CAMTA1: variants seen among roughly 807,000 people sequenced by gnomAD.
CAMTA1 encodes calmodulin binding transcription activator 1, also known as calmodulin-binding transcription activator 1.
A neutral mutation model predicts 170.9 loss-of-function variants in CAMTA1; 27 were observed. The observed-to-expected ratio is 0.16, with a 90% CI of 0.12 to 0.22. The LOEUF (loss-of-function observed/expected upper bound fraction) is 0.22. Among genes scored for constraint, CAMTA1 ranks in the 10% least tolerant of loss-of-function variants. CAMTA1 has a pLI of 1.00. For synonymous variants in CAMTA1, 833 were observed against 891.5 expected (o/e 0.93, Z 1.17); for missense variants, 1,619 against 2,217.2 (o/e 0.73, Z 5.42).
At chr1:7,699,294 C>G (rs372033246) in intron 11 of CAMTA1, among the ~76,000 whole-genome samples, 7 of 152,124 alleles carry the variant, frequency 4.6e-5, no homozygotes, top group Non-Finnish European at 7.3e-5. Flanking sequence ...TCAGCTCCCC[C>G]CCACCACCCT....
In CAMTA1 at chr1:7,633,226, G is replaced by C. The variant is rs750932968; in HGVS notation, c.511-7174G>C. Among the ~76,000 whole-genome samples the C allele has an allele frequency of 6.6e-6, 1 of 152,236 alleles. No individual in the cohort carries two copies. The highest frequency in any genetic ancestry group is 1.5e-5 in the Non-Finnish European group (1 of 68,036). ...AGATTGACTCTACCTCAGGCTCCCG[G>C]GAGATGCCCTTCCACCACCTTCAGC... On this transcript the variant is annotated intron_variant, in intron 6 of 22. Coordinates refer to ENST00000303635, the MANE Select transcript of CAMTA1 (RefSeq NM_015215.4). This position sits in a 1 kb window ranked among gnomAD's most constrained non-coding sequence, Gnocchi z 4.1.
chr1:7,453,194 T>G (rs548403281), intron 5 of CAMTA1, among the ~76,000 whole-genome samples: 1 of 152,340 alleles, frequency 6.6e-6, no homozygotes, highest in East Asian at 1.9e-4. Context: ...TGTGGAATCG[T>G]GTCCAGCGGC....
chr1:7,036,128 G>A (rs767451060), intron 3 of CAMTA1, among the ~76,000 whole-genome samples: 3 of 152,198 alleles, frequency 2.0e-5, no homozygotes, highest in Non-Finnish European at 2.9e-5. Context: ...CAGGTACAGA[G>A]TAGCTGCAGT....
At position 6,971,236 on chromosome 1, in the gene CAMTA1, A is replaced by C. The variant is rs897100447; in HGVS notation, c.235-120068A>C. 6.6e-6 allele frequency among the ~76,000 whole-genome samples: 1 copy of C among 152,146 alleles called. No homozygotes were observed. The highest frequency in any genetic ancestry group is 6.5e-5 in the Admixed American group (1 of 15,276). The stretch of plus-strand genomic sequence containing the variant: ...CTCCTCATGCTCCCCACTCCTGATG[A>C]GTAATTACACGTGGCTGTCTGGGAG... On this transcript the variant is annotated intron_variant, in intron 3 of 22. Transcript: ENST00000303635. This position sits in a 1 kb window ranked among gnomAD's most constrained non-coding sequence, Gnocchi z 4.6.
At chr1:7,733,945 T>C (rs1260021158) in intron 12 of CAMTA1, among the ~76,000 whole-genome samples, 1 of 152,152 alleles carries the variant, frequency 6.6e-6, no homozygotes, top group Non-Finnish European at 1.5e-5. Flanking sequence ...AAGGCTAAGA[T>C]AGGCTTCTTT....
At chr1:7,598,766 G>A (rs1243019033) in intron 6 of CAMTA1, among the ~76,000 whole-genome samples, 1 of 152,072 alleles carries the variant, frequency 6.6e-6, no homozygotes, top group African/African-American at 2.4e-5. Context: ...CATGTCCTTT[G>A]CCCACTTTTT....
chr1:7,581,698 GCTC>G (rs2095262193), intron 6 of CAMTA1, among the ~76,000 whole-genome samples: 1 of 152,240 alleles, frequency 6.6e-6, no homozygotes, highest in Non-Finnish European at 1.5e-5. Context: ...CTAGGTTTCT[GCTC>G]CTCACCGGAG....
intron 5 of CAMTA1, among the ~76,000 whole-genome samples, chr1:7,436,404 T>C (rs1239540204): frequency 6.6e-6 from 1 of 152,200 alleles, no homozygotes; most frequent in East Asian, 1.9e-4. Context: ...GCAGACTTAA[T>C]GCTAGGCTTG....
chr1:7,552,232 A>G (rs2094813185), intron 6 of CAMTA1, among the ~76,000 whole-genome samples: 1 of 152,310 alleles, frequency 6.6e-6, no homozygotes, highest in African/African-American at 2.4e-5. Flanking sequence ...AGGCAAGGGA[A>G]CGATGCTTCT....
At chr1:7,461,956 G>A (rs1184956519) in intron 5 of CAMTA1, among the ~76,000 whole-genome samples, 1 of 152,230 alleles carries the variant, frequency 6.6e-6, no homozygotes, top group African/African-American at 2.4e-5. Flanking sequence ...TCCCTGCCCT[G>A]CCTAAGGGCG....
At chr1:6,885,213 A>T (rs1672875644) in intron 3 of CAMTA1, among the ~76,000 whole-genome samples, 1 of 152,222 alleles carries the variant, frequency 6.6e-6, no homozygotes, top group African/African-American at 2.4e-5. Flanking sequence ...AAGAAGAGCT[A>T]TTTTATGATA....
At chr1:7,661,897 C>T in intron 8 of CAMTA1, 31 bp downstream of exon 8, 1 of 1,573,888 alleles carries the variant, frequency 6.4e-7, no homozygotes, top group Non-Finnish European at 8.6e-7. Flanking sequence ...CAGGCGGGCG[C>T]CACGGGGACA....
intron 6 of CAMTA1, among the ~76,000 whole-genome samples, chr1:7,472,680 G>A (rs146145138): frequency 6.4e-4 from 98 of 152,292 alleles, no homozygotes; most frequent in African/African-American, 2.3e-3. Flanking sequence ...CTGTCTGCTT[G>A]CTGCCCCCAC....
Position 7,592,978 on chromosome 1 carries a change from G to A in CAMTA1, c.511-47422G>A, listed in dbSNP as rs1310258704. Among the ~76,000 whole-genome samples the A allele has an allele frequency of 2.0e-5, 3 of 152,308 alleles. No individual in the cohort carries two copies. The highest frequency in any genetic ancestry group is 3.9e-4 in the East Asian group (2 of 5,178). The stretch of plus-strand genomic sequence containing the variant: ...GATGCTCAGAGGCTTATTAAGGAAT[G>A]TGTCCAAGTCCCACAGCATCTAGAT... On this transcript the variant is annotated intron_variant, in intron 6 of 22. Coordinates refer to ENST00000303635, the MANE Select transcript of CAMTA1 (RefSeq NM_015215.4). The surrounding 1 kb of genome is among the most constrained non-coding windows in gnomAD (Gnocchi z 4.6).
At chr1:7,386,311 C>T (rs1264838189) in intron 5 of CAMTA1, among the ~76,000 whole-genome samples, 1 of 152,350 alleles carries the variant, frequency 6.6e-6, no homozygotes, top group Admixed American at 6.5e-5. Flanking sequence ...CCTGACTCAT[C>T]ATGAGCAGCC....
At chr1:7,139,154 TATAA>T (rs1390934896) in intron 4 of CAMTA1, among the ~76,000 whole-genome samples, 23 of 138,224 alleles carry the variant, frequency 1.7e-4, no homozygotes, top group Non-Finnish European at 3.0e-4. Context: ...AATATATAAA[TATAA>T]ATATATATAA....
rs539693753 is a variant in CAMTA1, at chr1:7,686,933, A to G, written c.2914+9200A>G. ...AACAGCAAACCATTTCCTGAGATGG[A>G]GAAGTCTGAAGAAGCAGCAAACCCA... On this transcript the variant is annotated intron_variant, in intron 11 of 22. Coordinates refer to ENST00000303635, the MANE Select transcript of CAMTA1 (RefSeq NM_015215.4). Among the ~76,000 whole-genome samples the G allele has an allele frequency of 2.6e-5, 4 of 152,182 alleles. No homozygotes were observed. In the South Asian group the frequency reaches 8.3e-4, roughly 32 times the overall value.
chr1:7,707,205 A>G (rs1009603906), intron 11 of CAMTA1, among the ~76,000 whole-genome samples: 2 of 152,056 alleles, frequency 1.3e-5, no homozygotes, highest in Non-Finnish European at 2.9e-5. Flanking sequence ...TTAGTCTTCT[A>G]TTTAGGACTG....
chr1:7,750,863 G>A (rs75455404), intron 19 of CAMTA1: 10,508 of 317,290 alleles, frequency 0.033, 277 homozygotes, highest in African/African-American at 0.084. Context: ...ATATTAATCC[G>A]AAGCATTTAA....
Sources: allele counts gnomAD v4.1 joint callset (sites outside exome capture counted in the v4.1 genomes callset), GRCh38; gene constraint gnomAD v4.1.1; non-coding constraint Gnocchi (gnomAD v3.1); transcripts MANE v1.5; gene names NCBI Gene and HGNC (gene_info 2026-07-23, HGNC 2026-07-21).